Variants in KCND3 observed in about 807,000 individuals in gnomAD.
KCND3 encodes A-type voltage-gated potassium channel KCND3.
In KCND3, 9 loss-of-function variants were observed where a neutral mutation model predicts 51.1. The ratio of observed to expected loss-of-function variants is 0.18; its 90% confidence interval spans 0.11 to 0.31. The LOEUF (loss-of-function observed/expected upper bound fraction) is 0.31, where lower values mean the gene tolerates loss of function less well. KCND3 is among the 10% of genes least tolerant of loss of function. The pLI, the probability that KCND3 is intolerant of heterozygous loss-of-function variation, is 1.00. For missense variants in KCND3, 526 were observed against 903.8 expected, an observed-to-expected ratio of 0.58 and a Z score of 5.36; for synonymous variants, 349 against 368.0, an observed-to-expected ratio of 0.95 and a Z score of 0.59.
intron 2 of KCND3, among the ~76,000 whole-genome samples, chr1:111,792,300 G>A (rs780438029): frequency 2.6e-5 from 4 of 152,362 alleles, no homozygotes; most frequent in Non-Finnish European, 5.9e-5. Context: ...GATGAGGAGG[G>A]AAAGTCCAGA....
intron 2 of KCND3, among the ~76,000 whole-genome samples, chr1:111,886,557 C>T (rs1669580455): frequency 6.6e-6 from 1 of 152,152 alleles, no homozygotes; most frequent in South Asian, 2.1e-4. Flanking sequence ...AGAACCAGGC[C>T]CTCTTCAATT....
chr1:111,960,044 A>G (rs976722072), intron 2 of KCND3, among the ~76,000 whole-genome samples: 31 of 107,548 alleles, frequency 2.9e-4, no homozygotes, highest in African/African-American at 8.0e-4. Flanking sequence ...GAAAAAAAGA[A>G]AAAAAAAAAA....
At chr1:111,897,386 G>A (rs1670170349) in intron 2 of KCND3, among the ~76,000 whole-genome samples, 1 of 143,046 alleles carries the variant, frequency 7.0e-6, no homozygotes, top group African/African-American at 2.5e-5. Flanking sequence ...CTGGACCTCA[G>A]TCCCAGATGT....
At chr1:111,786,115 A>C (rs6656510) in intron 3 of KCND3, among the ~76,000 whole-genome samples, 26,726 of 152,124 alleles carry the variant, frequency 0.18, 2,470 homozygotes, top group African/African-American at 0.25. Flanking sequence ...CTTCCCCAAC[A>C]CAGATATCCC....
rs372741673 is a variant in KCND3, at chr1:111,780,184, G to T, written c.1461+41C>A. The T allele has an allele frequency of 1.3e-6, 2 of 1,525,276 alleles. No individual in the cohort carries two copies. Among genetic ancestry groups the T allele is most frequent in the African/African-American group, 2.7e-5 (2 of 72,828 alleles). The allele number at this position is 1,525,276 out of a possible 1,614,324, so 94.5% of individuals were successfully genotyped here. A position where few individuals can be genotyped will look rare whatever the true frequency, so the allele number is the denominator to read the frequency against. On this transcript the variant is annotated intron_variant, in intron 5 of 7. Transcript: ENST00000302127. The surrounding 1 kb of genome is among the most constrained non-coding windows in gnomAD (Gnocchi z 4.2). ...GAGTACAGCCTTAGAAAAGGGTCAG[G>T]GTCAGCGATGAAAAGGAGGTGGCAA...
intron 2 of KCND3, among the ~76,000 whole-genome samples, chr1:111,848,433 T>G (rs563354448): frequency 6.6e-6 from 1 of 152,236 alleles, no homozygotes; most frequent in African/African-American, 2.4e-5. Context: ...CCTTTCCTGA[T>G]GACTAACTCC....
At chr1:111,864,016 T>G (rs1238693321) in intron 2 of KCND3, among the ~76,000 whole-genome samples, 1 of 151,896 alleles carries the variant, frequency 6.6e-6, no homozygotes, top group Non-Finnish European at 1.5e-5. Context: ...GAGCTTGCCT[T>G]GGATGATGAG....
At chr1:111,918,180 AGT>A (rs1333562630) in intron 2 of KCND3, among the ~76,000 whole-genome samples, 1 of 152,240 alleles carries the variant, frequency 6.6e-6, no homozygotes, top group African/African-American at 2.4e-5. Context: ...TAATGAAATA[AGT>A]GTGCACAAGA....
chr1:111,980,986 TACTGCTTTAGA>T (rs1674918939), intron 2 of KCND3, among the ~76,000 whole-genome samples: 1 of 152,180 alleles, frequency 6.6e-6, no homozygotes, highest in African/African-American at 2.4e-5. Flanking sequence ...GCAAGACTGA[TACTGCTTTAGA>T]AAGAAAGAAT....
At chr1:111,814,644 A>G (rs1040866070) in intron 2 of KCND3, among the ~76,000 whole-genome samples, 1 of 152,232 alleles carries the variant, frequency 6.6e-6, no homozygotes, top group Non-Finnish European at 1.5e-5. Flanking sequence ...TAAAGCAGAG[A>G]CCTTATTACC....
chr1:111,968,407 C>T (rs1203495545), intron 2 of KCND3, among the ~76,000 whole-genome samples: 1 of 152,170 alleles, frequency 6.6e-6, no homozygotes, highest in Non-Finnish European at 1.5e-5. Flanking sequence ...TATTGATCTT[C>T]ATCTATCTTG....
At chr1:111,786,434 CTTTGCCCTATGA>C (rs1336597461) in intron 3 of KCND3, among the ~76,000 whole-genome samples, 1 of 152,216 alleles carries the variant, frequency 6.6e-6, no homozygotes, top group Non-Finnish European at 1.5e-5. Context: ...ACTTCAGTGC[CTTTGCCCTATGA>C]TATCTTGGAA....
intron 2 of KCND3, among the ~76,000 whole-genome samples, chr1:111,938,672 G>A (rs1250099716): frequency 2.6e-5 from 4 of 152,186 alleles, no homozygotes; most frequent in Non-Finnish European, 5.9e-5. Context: ...TCCAGGGAGA[G>A]GAAGCAGCAA....
chr1:111,943,299 C>T (rs1024573006), intron 2 of KCND3, among the ~76,000 whole-genome samples: 2 of 152,228 alleles, frequency 1.3e-5, no homozygotes, highest in Non-Finnish European at 1.5e-5. Flanking sequence ...CCTGTTTCCA[C>T]TCAGCTCCTT....
intron 7 of KCND3, 131 bp from the exon 8 acceptor site, chr1:111,776,409 A>T: frequency 1.2e-6 from 1 of 835,286 alleles, no homozygotes; most frequent in Non-Finnish European, 2.0e-6. Flanking sequence ...TGCCTTTTGT[A>T]ATCAACTTGT....
At chr1:111,783,199 CAAAAAAAAAAAAA>C (rs67241053) in intron 3 of KCND3, among the ~76,000 whole-genome samples, 4 of 72,340 alleles carry the variant, frequency 5.5e-5, no homozygotes, top group African/African-American at 1.7e-4. Flanking sequence ...AATTCAAAGA[CAAAAAAAAAAAAA>C]AAAAAAAAGG....
At chr1:111,954,470 G>A (rs1466461182) in intron 2 of KCND3, among the ~76,000 whole-genome samples, 1 of 152,178 alleles carries the variant, frequency 6.6e-6, no homozygotes, top group Non-Finnish European at 1.5e-5. Context: ...AAAAGTCATG[G>A]GACTTGACCC....
chr1:111,775,818 G>GCCCC lies in KCND3; in HGVS notation c.*258_*259insGGGG. On this transcript the variant is annotated 3_prime_UTR_variant, in exon 8 of 8. Transcript: ENST00000302127. The stretch of plus-strand genomic sequence containing the variant: ...AGCCTATATCCCCCGGCCTATCCCC[G>GCCCC]ACCCCCCCACCCTCCCTCCCTTCCT... 3 of 99,726 alleles carry GCCCC rather than the reference G, an allele frequency of 3.0e-5. No individual in the cohort carries two copies. The highest frequency in any genetic ancestry group is 1.2e-4 in the South Asian group (1 of 8,076). The allele number at this position is 99,726 out of a possible 1,614,324, so 6.2% of individuals were successfully genotyped here.
intron 2 of KCND3, among the ~76,000 whole-genome samples, chr1:111,822,246 A>C (rs937681274): frequency 3.9e-5 from 6 of 152,204 alleles, no homozygotes; most frequent in Non-Finnish European, 8.8e-5. Context: ...CATAAAATGT[A>C]TATTTTATCT....
Sources: gnomAD v4.1 joint callset for allele counts (sites outside exome capture counted in the v4.1 genomes callset) on GRCh38, gnomAD v4.1.1 for gene constraint, Gnocchi (gnomAD v3.1) non-coding constraint, MANE v1.5 for transcripts, NCBI Gene and HGNC (gene_info 2026-07-23, HGNC 2026-07-21) for gene names.